The following SGCD variants were observed in gnomAD, a reference collection of about 807,000 sequenced individuals.
The protein encoded by SGCD is sarcoglycan delta.
In SGCD, 18 loss-of-function variants were observed where a neutral mutation model predicts 36.6. The ratio of observed to expected loss-of-function variants is 0.49; its 90% CI spans 0.34 to 0.73. The LOEUF is 0.73. Ranked by LOEUF, SGCD falls within the 30% of genes least tolerant of loss-of-function variation. The probability of loss-of-function intolerance (pLI) is 0.01; values close to 1 mark genes in which losing one functional copy is unlikely to be tolerated. For synonymous variants in SGCD, 133 were observed against 130.6 expected (o/e 1.02, Z -0.12); for missense variants, 387 against 346.7 (o/e 1.12, Z -0.92).
intron 1 of SGCD, among the ~76,000 whole-genome samples, chr5:155,871,380 C>A (rs1755652800): frequency 6.6e-6 from 1 of 152,120 alleles, no homozygotes; most frequent in Non-Finnish European, 1.5e-5. Context: ...AGATTTGCGA[C>A]CTCTCTGCCG....
In SGCD at chr5:156,300,308, G is replaced by A. The variant is rs140318507; in HGVS notation, c.-43-29226G>A. ...CTTTTGCTGTATCCCATGGGTTTTG[G>A]TATATTGTTTTTTCATTATTTGTTT... On this transcript the variant is annotated intron_variant, in intron 3 of 9. Coordinates refer to the SGCD transcript ENST00000517913. Among the ~76,000 whole-genome samples, 825 of 151,758 alleles carry A rather than the reference G, an allele frequency of 5.4e-3. 5 individuals are homozygous for A. The highest frequency in any genetic ancestry group is 8.6e-3 in the Non-Finnish European group (583 of 67,836).
intron 1 of SGCD, among the ~76,000 whole-genome samples, chr5:155,937,369 G>A (rs1043526830): frequency 8.5e-5 from 13 of 152,184 alleles, no homozygotes; most frequent in Admixed American, 8.5e-4. Context: ...TTTGATTCCA[G>A]GTAACCTCCT....
chr5:156,488,956 A>G (rs1475155643), intron 3 of SGCD, among the ~76,000 whole-genome samples: 1 of 152,112 alleles, frequency 6.6e-6, no homozygotes, highest in Non-Finnish European at 1.5e-5. Flanking sequence ...AAAATTAATA[A>G]TAACTATATG....
intron 1 of SGCD, among the ~76,000 whole-genome samples, chr5:156,048,426 T>G (rs566581713): frequency 1.1e-3 from 168 of 152,194 alleles, no homozygotes; most frequent in Non-Finnish European, 1.6e-3. Flanking sequence ...TGAACTAGTT[T>G]ACAGTCCCAC....
At chr5:156,143,148 T>C (rs1472475656) in intron 3 of SGCD, among the ~76,000 whole-genome samples, 2 of 152,238 alleles carry the variant, frequency 1.3e-5, no homozygotes. Flanking sequence ...GCCTTGGCTC[T>C]AGCCAGGTAC....
the SGCD span, among the ~76,000 whole-genome samples, chr5:155,743,376 T>G: frequency 6.6e-6 from 1 of 152,182 alleles, no homozygotes; most frequent in South Asian, 2.1e-4. Context: ...CAAAAGATTC[T>G]TCTAGCTCCT....
At chr5:155,850,310 C>T in the SGCD span, among the ~76,000 whole-genome samples, 1 of 152,080 alleles carries the variant, frequency 6.6e-6, no homozygotes, top group African/African-American at 2.4e-5. Flanking sequence ...ACTGCTGAAA[C>T]CTGCCTAGCC....
At chr5:156,270,449 C>CAATA (rs1766146390) in intron 3 of SGCD, among the ~76,000 whole-genome samples, 1 of 152,026 alleles carries the variant, frequency 6.6e-6, no homozygotes, top group African/African-American at 2.4e-5. Context: ...TATGTTTAAG[C>CAATA]AATACTATTA....
chr5:156,343,366 G>A (rs1221646268), intron 2 of SGCD, among the ~76,000 whole-genome samples: 3 of 152,188 alleles, frequency 2.0e-5, no homozygotes, highest in African/African-American at 7.2e-5. Flanking sequence ...TGGGGGTCCT[G>A]TTATCACATG....
At chr5:156,690,066 T>C (rs1388358839) in intron 7 of SGCD, among the ~76,000 whole-genome samples, 1 of 152,236 alleles carries the variant, frequency 6.6e-6, no homozygotes, top group Non-Finnish European at 1.5e-5. Context: ...TTTAAACACA[T>C]ATTTAAAAGT....
chr5:155,894,263 A>G (rs544962548), intron 1 of SGCD, among the ~76,000 whole-genome samples: 1 of 152,324 alleles, frequency 6.6e-6, no homozygotes, highest in East Asian at 1.9e-4. Context: ...GTAATGCATC[A>G]TGCTATAGCC....
At chr5:155,789,312 A>G in the SGCD span, among the ~76,000 whole-genome samples, 2 of 152,136 alleles carry the variant, frequency 1.3e-5, no homozygotes, top group Non-Finnish European at 2.9e-5. Context: ...AAAAAGTGTT[A>G]TTAACTGTTT....
At chr5:156,728,390 A>C (rs1025844219) in intron 7 of SGCD, among the ~76,000 whole-genome samples, 5 of 151,618 alleles carry the variant, frequency 3.3e-5, no homozygotes, top group African/African-American at 1.2e-4. Flanking sequence ...CAATGCCTGT[A>C]ATCCCAGCTA....
chr5:156,482,931 G>T (rs1755503763), intron 3 of SGCD, among the ~76,000 whole-genome samples: 1 of 142,330 alleles, frequency 7.0e-6, no homozygotes, highest in African/African-American at 2.6e-5. Context: ...ATTCTTTGTT[G>T]CACAGGACAG....
In SGCD at chr5:156,767,422, G is replaced by A. The variant is rs184996860; in HGVS notation, c.*8032G>A. On this transcript the variant is annotated 3_prime_UTR_variant, in exon 9 of 9. Transcript: ENST00000337851. ...GGCTAGATGCGCTTCTGAAGAAGCC[G>A]GATTCTGATGTTCTTAACCAAAATG... 2.7e-5 allele frequency: 4 copies of A among 150,046 alleles called. No individual in the cohort carries two copies. Among genetic ancestry groups the A allele is most frequent in the African/African-American group, 7.4e-5 (3 of 40,668 alleles). The allele number at this position is 150,046 out of a possible 1,614,324, so 9.3% of individuals were successfully genotyped here.
chr5:155,766,291 C>A, the SGCD span, among the ~76,000 whole-genome samples: 1 of 152,108 alleles, frequency 6.6e-6, no homozygotes, highest in Non-Finnish European at 1.5e-5. Flanking sequence ...GCTCACACAG[C>A]GGCTACCTAA....
intron 3 of SGCD, among the ~76,000 whole-genome samples, chr5:156,480,047 G>C (rs1022258208): frequency 6.6e-6 from 1 of 152,220 alleles, no homozygotes; most frequent in Non-Finnish European, 1.5e-5. Context: ...GACTGGGATG[G>C]CTGATGCAAC....
intron 3 of SGCD, among the ~76,000 whole-genome samples, chr5:156,392,973 G>A (rs919597390): frequency 6.6e-6 from 1 of 152,048 alleles, no homozygotes; most frequent in Non-Finnish European, 1.5e-5. Context: ...GGCGTGGCGG[G>A]GAAATTCAAC....
chr5:156,260,920 A>G (rs1038153003), intron 3 of SGCD, among the ~76,000 whole-genome samples: 5 of 152,136 alleles, frequency 3.3e-5, no homozygotes, highest in East Asian at 1.9e-4. Context: ...AGCATCTATG[A>G]AGGTGGTTAT....
Sources: gnomAD v4.1 joint callset for allele counts (sites outside exome capture counted in the v4.1 genomes callset) on GRCh38, gnomAD v4.1.1 for gene constraint, MANE v1.5 for transcripts, NCBI Gene and HGNC (gene_info 2026-07-23, HGNC 2026-07-21) for gene names.